KCNQ3: variants seen among roughly 807,000 people sequenced by gnomAD.
KCNQ3 encodes the protein potassium voltage-gated channel subfamily Q member 3.
A neutral mutation model predicts 92.5 loss-of-function variants in KCNQ3; 30 were observed. The ratio of observed to expected loss-of-function variants is 0.32; its 90% CI spans 0.24 to 0.44. The LOEUF is 0.44. KCNQ3 is among the 20% of genes least tolerant of loss of function. The pLI is 1.00. For synonymous variants in KCNQ3, 450 were observed against 468.8 expected (o/e 0.96, Z 0.52); for missense variants, 913 against 1,140.3 (o/e 0.80, Z 2.87).
At chr8:132,163,594 G>C (rs1826056052) in intron 8 of KCNQ3, 100 bp from the exon 9 acceptor site, 6 of 999,664 alleles carry the variant, frequency 6.0e-6, no homozygotes, top group Admixed American at 5.5e-5. Context: ...GAAGATGATG[G>C]AGCAGAGTTG....
intron 1 of KCNQ3, among the ~76,000 whole-genome samples, chr8:132,256,054 T>G (rs750231704): frequency 7.9e-5 from 12 of 152,182 alleles, no homozygotes; most frequent in African/African-American, 1.7e-4. Context: ...TAGAACTTTC[T>G]AGACATAGAT....
intron 1 of KCNQ3, among the ~76,000 whole-genome samples, chr8:132,455,320 T>C (rs1821915294): frequency 1.3e-5 from 2 of 152,210 alleles, no homozygotes; most frequent in African/African-American, 4.8e-5. Flanking sequence ...TTGGCCAGGC[T>C]AGTCTCAAAC....
At chr8:132,454,244 A>T (rs1236153761) in intron 1 of KCNQ3, among the ~76,000 whole-genome samples, 2 of 152,136 alleles carry the variant, frequency 1.3e-5, no homozygotes, top group Non-Finnish European at 2.9e-5. Flanking sequence ...GGGTTCATGT[A>T]GGTTCCATCC....
intron 1 of KCNQ3, among the ~76,000 whole-genome samples, chr8:132,373,548 T>G (rs1217901721): frequency 6.6e-6 from 1 of 152,166 alleles, no homozygotes; most frequent in African/African-American, 2.4e-5. Flanking sequence ...TATCTCCATT[T>G]GACTCAGAGG....
chr8:132,248,953 G>A (rs535313622), intron 1 of KCNQ3, among the ~76,000 whole-genome samples: 3 of 152,298 alleles, frequency 2.0e-5, no homozygotes, highest in Non-Finnish European at 4.4e-5. Flanking sequence ...GAATGAAGCC[G>A]CAGACCCTCG....
At chr8:132,235,270 T>TC (rs1563817780) in intron 1 of KCNQ3, among the ~76,000 whole-genome samples, 1 of 114,742 alleles carries the variant, frequency 8.7e-6, no homozygotes, top group Middle Eastern at 3.8e-3. Context: ...AGGCCAAGGG[T>TC]GGGGGGGGAA....
At chr8:132,320,332 C>T (rs993803009) in intron 1 of KCNQ3, among the ~76,000 whole-genome samples, 2 of 152,132 alleles carry the variant, frequency 1.3e-5, no homozygotes, top group African/African-American at 4.8e-5. Flanking sequence ...CAAGAAATAA[C>T]AGAGATAACA....
At chr8:132,186,529 A>G (rs1826962167) in intron 1 of KCNQ3, 2 of 369,524 alleles carry the variant, frequency 5.4e-6, no homozygotes, top group Non-Finnish European at 1.1e-5. Context: ...CAAGTCATTA[A>G]GTATATGAAT....
chr8:132,297,089 G>A (rs1027607475), intron 1 of KCNQ3, among the ~76,000 whole-genome samples: 5 of 152,048 alleles, frequency 3.3e-5, no homozygotes, highest in Non-Finnish European at 7.4e-5. Context: ...ATTCTAACTG[G>A]TGTGAGATGG....
chr8:132,176,214 GC>G (rs1217011240), intron 4 of KCNQ3, among the ~76,000 whole-genome samples: 3 of 152,172 alleles, frequency 2.0e-5, no homozygotes, highest in Non-Finnish European at 4.4e-5. Context: ...AAGGTATCAA[GC>G]CTGTAATTTC....
chr8:132,480,372 G>T lies in KCNQ3; in HGVS notation c.161C>A (p.Thr54Asn). The change falls in exon 1 of 15, where the codon ACC becomes AAC. Residue 54 changes from threonine (T) to asparagine (N), a missense_variant. Transcript: ENST00000388996. The part of the protein sequence containing the change: ...GLAPGDVEQV[T>N]LALGAGADKD... ...GTCGGCTCCGGCCCCGAGCGCCAAG[G>T]TGACTTGCTCCACGTCGCCGGGCGC... The T allele has an allele frequency of 6.3e-7, 1 of 1,584,896 alleles. No individual in the cohort carries two copies.
At chr8:132,354,069 C>T (rs927273409) in intron 1 of KCNQ3, among the ~76,000 whole-genome samples, 1 of 152,188 alleles carries the variant, frequency 6.6e-6, no homozygotes, top group African/African-American at 2.4e-5. Flanking sequence ...CAAACAGGAG[C>T]TTGAATAGCG....
intron 13 of KCNQ3, among the ~76,000 whole-genome samples, chr8:132,132,813 T>C (rs1359263465): frequency 2.0e-5 from 3 of 152,250 alleles, no homozygotes; most frequent in Non-Finnish European, 4.4e-5. Flanking sequence ...ATTTGATTTT[T>C]GGTTATCCAC....
At chr8:132,348,005 A>G (rs1482793587) in intron 1 of KCNQ3, among the ~76,000 whole-genome samples, 1 of 151,298 alleles carries the variant, frequency 6.6e-6, no homozygotes, top group Non-Finnish European at 1.5e-5. Context: ...AAAAAAAGGA[A>G]AACCCACTAT....
At chr8:132,383,736 G>A (rs1819818177) in intron 1 of KCNQ3, among the ~76,000 whole-genome samples, 1 of 152,164 alleles carries the variant, frequency 6.6e-6, no homozygotes. Context: ...AGGGTGGTAG[G>A]AAGGTTTTCC....
intron 1 of KCNQ3, among the ~76,000 whole-genome samples, chr8:132,311,786 C>T (rs1275063942): frequency 6.6e-6 from 1 of 152,178 alleles, no homozygotes; most frequent in Non-Finnish European, 1.5e-5. Flanking sequence ...CCCTACCAGG[C>T]AGAGAGGTGC....
chr8:132,170,253 C>G lies in KCNQ3; in HGVS notation c.1235+81G>C, dbSNP rs1369267195. ...GCCCTGAAGAGTGTTCTCCAGGGAC[C>G]CGTGAGGCCACAGACACGAATACAG... On this transcript the variant is annotated intron_variant, in intron 8 of 14. Coordinates refer to ENST00000388996, the MANE Select transcript of KCNQ3 (RefSeq NM_004519.4). 1.1e-5 allele frequency: 11 copies of G among 991,306 alleles called. No individual in the cohort carries two copies. The Admixed American group carries it at 1.7e-4, about 16-fold the overall frequency. 61.4% of individuals were successfully genotyped at this position (991,306 alleles called of 1,614,324 possible).
intron 1 of KCNQ3, among the ~76,000 whole-genome samples, chr8:132,411,381 G>A (rs190949057): frequency 6.6e-6 from 1 of 152,248 alleles, no homozygotes; most frequent in African/African-American, 2.4e-5. Context: ...ATGGGATTGG[G>A]GACGTAGGAA....
intron 1 of KCNQ3, among the ~76,000 whole-genome samples, chr8:132,436,572 G>C (rs1821400628): frequency 6.6e-6 from 1 of 152,256 alleles, no homozygotes; most frequent in South Asian, 2.1e-4. Flanking sequence ...GGGATTATTT[G>C]TACAGGAATC....
Sources: gnomAD v4.1 joint callset for allele counts (sites outside exome capture counted in the v4.1 genomes callset) on GRCh38, gnomAD v4.1.1 for gene constraint, MANE v1.5 for transcripts, NCBI Gene and HGNC (gene_info 2026-07-23, HGNC 2026-07-21) for gene names.